The following TTC31 variants were observed in gnomAD, a reference collection of about 807,000 sequenced individuals.
TTC31 encodes the protein tetratricopeptide repeat protein 31.
Under a neutral mutation model 60.4 loss-of-function variants are expected in TTC31, and 59 were observed. That is an observed-to-expected ratio of 0.98 (90% CI 0.79 to 1.21). The LOEUF (loss-of-function observed/expected upper bound fraction) is 1.21. Among genes scored for constraint, TTC31 ranks in the 50% most tolerant of loss-of-function variants. TTC31 has a pLI of 0.00. For synonymous variants in TTC31, 225 were observed against 249.6 expected, an observed-to-expected ratio of 0.90 and a Z score of 0.93; for missense variants, 672 against 646.9, an observed-to-expected ratio of 1.04 and a Z score of -0.42.
chr2:74,485,804 A>C (rs1558580121), intron 2 of TTC31, among the ~76,000 whole-genome samples: 1 of 150,778 alleles, frequency 6.6e-6, no homozygotes, highest in African/African-American at 2.4e-5. Context: ...GCGTTTCTCC[A>C]TGTTGGTCAT....
At chr2:74,487,794 C>G (rs529399516) in intron 2 of TTC31, among the ~76,000 whole-genome samples, 1 of 152,268 alleles carries the variant, frequency 6.6e-6, no homozygotes, top group African/African-American at 2.4e-5. Flanking sequence ...ATTCTCGTGC[C>G]TCAGCCTCCT....
Position 74,491,292 on chromosome 2 carries a change from C to T in TTC31, c.604-3C>T. 8.7e-6 allele frequency: 14 copies of T among 1,614,178 alleles called. No homozygotes were observed. The highest frequency in any genetic ancestry group is 1.2e-5 in the Non-Finnish European group (14 of 1,180,034). ...ACTCTGTACCTGTCTATCTTTCTTC[C>T]AGGCCAGCACTACCTCAGATGGAGA... On this transcript the variant is annotated splice_polypyrimidine_tract_variant and splice_region_variant and intron_variant, in intron 6 of 12. Transcript: ENST00000233623.
intron 2 of TTC31, among the ~76,000 whole-genome samples, chr2:74,484,109 C>A (rs374565803): frequency 1.3e-5 from 2 of 151,458 alleles, no homozygotes; most frequent in Admixed American, 6.6e-5. Context: ...TGGTGGTGTG[C>A]GCCTGTAATC....
chr2:74,490,974 C>A, intron 5 of TTC31, 154 bp from the exon 6 acceptor site: 1 of 1,060,024 alleles, frequency 9.4e-7, no homozygotes. Context: ...AGGCCTCTTG[C>A]TGGTGCCTCT....
chr2:74,486,032 T>C (rs1673070311), intron 2 of TTC31, among the ~76,000 whole-genome samples: 1 of 151,326 alleles, frequency 6.6e-6, no homozygotes, highest in African/African-American at 2.4e-5. Context: ...CTTTGGGAGG[T>C]TGATGCAGGC....
At chr2:74,490,900 C>A (rs1673787163) in intron 5 of TTC31, 161 bp downstream of exon 5, 2 of 896,538 alleles carry the variant, frequency 2.2e-6, no homozygotes, top group Non-Finnish European at 3.4e-6. Context: ...TCTCACAGGC[C>A]ATCTGGTGCA....
chr2:74,487,603 AT>A (rs1673282070), intron 2 of TTC31, among the ~76,000 whole-genome samples: 1 of 152,050 alleles, frequency 6.6e-6, no homozygotes, highest in African/African-American at 2.4e-5. Flanking sequence ...AATACAGTAT[AT>A]ATTTGAGTGG....
chr2:74,489,957 C>T lies in TTC31; in HGVS notation c.130-68C>T, dbSNP rs189916209. The T allele has an allele frequency of 2.3e-5, 26 of 1,146,634 alleles. No homozygotes were observed. In the East Asian group the frequency reaches 3.8e-4, roughly 17 times the overall value. 71.0% of individuals were successfully genotyped at this position (1,146,634 alleles called of 1,614,324 possible). ...TGCCATGGTGGAGAGATCAAGCCAG[C>T]GAAGCCCTTGCTCTCTCCAGGAACT... On this transcript the variant is annotated intron_variant, in intron 2 of 12. Transcript: ENST00000233623.
chr2:74,492,884 AAAAG>A (rs763699782), intron 12 of TTC31, 34 bp from the exon 13 acceptor site: 1 of 1,581,564 alleles, frequency 6.3e-7, no homozygotes, highest in Admixed American at 1.7e-5. Context: ...TCTCCTGCTT[AAAAG>A]AAGGATCTGG....
Position 74,490,016 on chromosome 2 carries a change from C to A in TTC31, c.130-9C>A, listed in dbSNP as rs1343186587. 3.2e-6 allele frequency: 5 copies of A among 1,539,778 alleles called. No individual in the cohort carries two copies. The South Asian group carries it at 3.6e-5, about 11-fold the overall frequency. ...CACCAGCCTCCCCTCCCCTCCCCTC[C>A]CCTCCCAGGACATAGTGGATTTTCT... On this transcript the variant is annotated splice_polypyrimidine_tract_variant and intron_variant, in intron 2 of 12. Transcript: ENST00000233623.
chr2:74,493,321 A>C lies in TTC31; in HGVS notation c.*103A>C. ...CATATTTTGAGACCTTATTCTCTAG[A>C]TCCATAGTTAATGATGCCCTGGCAG... On this transcript the variant is annotated 3_prime_UTR_variant, in exon 13 of 13. Coordinates refer to ENST00000233623, the MANE Select transcript of TTC31 (RefSeq NM_022492.6). The C allele has an allele frequency of 2.5e-6, 3 of 1,216,556 alleles. No individual in the cohort carries two copies. Among genetic ancestry groups the C allele is most frequent in the Non-Finnish European group, 3.4e-6 (3 of 882,516 alleles). The allele number at this position is 1,216,556 out of a possible 1,614,324, so 75.4% of individuals were successfully genotyped here. A position where few individuals can be genotyped will look rare whatever the true frequency, so the allele number is the denominator to read the frequency against.
intron 2 of TTC31, among the ~76,000 whole-genome samples, chr2:74,489,216 G>T (rs1293956593): frequency 6.6e-6 from 1 of 152,224 alleles, no homozygotes; most frequent in African/African-American, 2.4e-5. Context: ...GTTGGAGGAG[G>T]CAGAGATAAT....
Position 74,493,500 on chromosome 2 carries a change from T to C in TTC31, c.*282T>C, listed in dbSNP as rs934043471. The C allele has an allele frequency of 3.0e-5, 12 of 400,172 alleles. No homozygotes were observed. In the East Asian group the frequency reaches 5.4e-4, roughly 18 times the overall value. 24.8% of individuals were successfully genotyped at this position (400,172 alleles called of 1,614,324 possible). A position where few individuals can be genotyped will look rare whatever the true frequency, so the allele number is the denominator to read the frequency against. On this transcript the variant is annotated 3_prime_UTR_variant, in exon 13 of 13. Coordinates refer to ENST00000233623, the MANE Select transcript of TTC31 (RefSeq NM_022492.6). ...GGAACTATAGAAAAGTTCAGGTTTT[T>C]AGGCTATAGCAGAGACAGTGAGAAA...
intron 5 of TTC31, 116 bp downstream of exon 5, chr2:74,490,855 CAGG>C: frequency 4.4e-6 from 5 of 1,127,096 alleles, no homozygotes; most frequent in Non-Finnish European, 6.3e-6. Flanking sequence ...ACTCTCTTGC[CAGG>C]AGGACACAAG....
rs372555244 is a variant in TTC31, at chr2:74,492,012, G to A, written c.885G>A (p.Pro295=). 5.4e-5 allele frequency: 87 copies of A among 1,614,192 alleles called. No homozygotes were observed. The African/African-American group carries it at 7.2e-4, about 13-fold the overall frequency. ...TTGCACCCTATCCCCAGGCATCTCCGGGACTGCTGGCAGCTGCCTTACAAC... is the reference window on the plus strand; with the variant it reads ...TTGCACCCTATCCCCAGGCATCTCCAGGACTGCTGGCAGCTGCCTTACAAC... ...PQQSPKVQAS[P]GLLAAALQQS... Residue 295 remains proline (P), a synonymous_variant, in exon 9 of 13, where the codon CCG becomes CCA. Transcript: ENST00000233623.
intron 2 of TTC31, among the ~76,000 whole-genome samples, chr2:74,489,470 C>T (rs762314070): frequency 6.6e-6 from 1 of 152,162 alleles, no homozygotes; most frequent in Admixed American, 6.5e-5. Flanking sequence ...GAATCGTAGG[C>T]TGAGGAATTA....
rs760282084 is a variant in TTC31 at position 74,483,347 on chromosome 2, A to C, written c.66A>C (p.Pro22=). ...ACTGCTCTCTACGGCCCAGCTGCCC[A>C]CTGGAGGTCGCTGCTGCACCCAAAC... ...KLDCSLRPSC[P]LEVAAAPKLC... is the part of the protein sequence containing the mutation. The change falls in exon 2 of 13, where the codon CCA becomes CCC. Residue 22 remains proline, a synonymous_variant. Coordinates refer to ENST00000233623, the MANE Select transcript of TTC31 (RefSeq NM_022492.6). 1.9e-6 allele frequency: 3 copies of C among 1,614,144 alleles called. No homozygotes were observed. The highest frequency in any genetic ancestry group is 1.7e-6 in the Non-Finnish European group (2 of 1,180,020).
intron 2 of TTC31, among the ~76,000 whole-genome samples, chr2:74,485,435 C>T (rs1275888261): frequency 2.0e-5 from 3 of 151,290 alleles, no homozygotes; most frequent in South Asian, 2.1e-4. Context: ...CTAAACATTA[C>T]ATCCATAGCC....
chr2:74,491,939 C>A (rs1231932810), intron 8 of TTC31, 65 bp from the exon 9 acceptor site: 28 of 1,611,796 alleles, frequency 1.7e-5, no homozygotes, highest in Non-Finnish European at 2.4e-5. Context: ...CCTGTTTAAA[C>A]AAAGGAGAAG....
Sources: gnomAD v4.1 joint callset for allele counts (sites outside exome capture counted in the v4.1 genomes callset) on GRCh38, gnomAD v4.1.1 for gene constraint, MANE v1.5 for transcripts, NCBI Gene and HGNC (gene_info 2026-07-23, HGNC 2026-07-21) for gene names.